CCDC171: variants seen among roughly 807,000 people sequenced by gnomAD.
CCDC171 encodes coiled-coil domain containing 171, also known as coiled-coil domain-containing protein 171.
CCDC171 carries 177 observed loss-of-function variants against 168.2 expected under a neutral mutation model. The ratio of observed to expected loss-of-function variants is 1.05; its 90% CI spans 0.93 to 1.19. CCDC171 has a LOEUF of 1.19. Among genes scored for constraint, CCDC171 ranks in the 50% most tolerant of loss-of-function variants. The probability of loss-of-function intolerance (pLI) is 0.00; values close to 1 mark genes in which losing one functional copy is unlikely to be tolerated. For synonymous variants in CCDC171, 687 were observed against 540.8 expected, an observed-to-expected ratio of 1.27 and a Z score of -3.75; for missense variants, 1,991 against 1,539.0, an observed-to-expected ratio of 1.29 and a Z score of -4.91.
chr9:15,746,998 A>G (rs1430669826), intron 18 of CCDC171, among the ~76,000 whole-genome samples: 2 of 152,210 alleles, frequency 1.3e-5, no homozygotes, highest in Non-Finnish European at 2.9e-5. Context: ...CAGCAAGCTA[A>G]AATCCATTGG....
rs190257800 is a variant in CCDC171 at position 15,575,393 on chromosome 9, T to G, written c.178-3456T>G. ...TTTGCCATGTTGTCCAGGCTGGTCT[T>G]GAACTTCTGGGCTCAAGTGATCCAC... On this transcript the variant is annotated intron_variant, in intron 3 of 25. Transcript: ENST00000380701. Among the ~76,000 whole-genome samples, 977 of 152,148 alleles carry G rather than the reference T, an allele frequency of 6.4e-3. 13 individuals carry two copies. The highest frequency in any genetic ancestry group is 0.01 in the Admixed American group (154 of 15,278).
At position 15,878,095 on chromosome 9, in the gene CCDC171, A is replaced by G. The variant is rs542076726; in HGVS notation, c.3600+3432A>G. Among the ~76,000 whole-genome samples the G allele has an allele frequency of 9.8e-5, 15 of 152,314 alleles. 1 individual carries two copies. In the South Asian group the frequency reaches 2.7e-3, roughly 27 times the overall value. ...GCAAAGATTTCATGATGAAGGTGCC[A>G]AAAGCAATTGCAACAAAGACAACAA... On this transcript the variant is annotated intron_variant, in intron 24 of 25. Transcript: ENST00000380701.
chr9:15,682,671 A>C (rs1488508659), intron 10 of CCDC171, among the ~76,000 whole-genome samples: 2 of 151,894 alleles, frequency 1.3e-5, no homozygotes, highest in Non-Finnish European at 2.9e-5. Context: ...ATGGTATATA[A>C]TTATTGTTTT....
At chr9:15,601,738 C>G (rs886171984) in intron 6 of CCDC171, among the ~76,000 whole-genome samples, 1 of 152,140 alleles carries the variant, frequency 6.6e-6, no homozygotes, top group Non-Finnish European at 1.5e-5. Context: ...TTTGCAGAGC[C>G]TACAGGATAT....
chr9:15,721,925 A>C lies in CCDC171; in HGVS notation c.1425+50A>C, dbSNP rs377586011. 3.3e-6 allele frequency: 3 copies of C among 897,718 alleles called. No individual in the cohort carries two copies. In the African/African-American group the frequency reaches 5.2e-5, roughly 15 times the overall value. 55.6% of individuals were successfully genotyped at this position (897,718 alleles called of 1,614,324 possible). On this transcript the variant is annotated intron_variant, in intron 12 of 25. Transcript: ENST00000380701. ...ACACATATAGCCTTCGGCCTGTACC[A>C]GTACGTATTCCTTGCTTGTTACAAA... is the stretch of plus-strand genomic sequence containing the variant.
intron 16 of CCDC171, among the ~76,000 whole-genome samples, chr9:15,741,006 A>T (rs1043627223): frequency 6.6e-6 from 1 of 152,160 alleles, no homozygotes; most frequent in African/African-American, 2.4e-5. Context: ...TTTCAGGCCA[A>T]ATTGATTCCT....
chr9:15,897,387 T>C lies in CCDC171; in HGVS notation c.3600+22724T>C, dbSNP rs189668583. ...AATCTAAGTCTTCTTCCAAATTATG[T>C]ATGTTTTTAGCATCAAAAGATGTTT... On this transcript the variant is annotated intron_variant, in intron 24 of 25. Coordinates refer to ENST00000380701, the MANE Select transcript of CCDC171 (RefSeq NM_173550.4). 7.9e-5 allele frequency among the ~76,000 whole-genome samples: 12 copies of C among 152,260 alleles called. No individual in the cohort carries two copies. In the East Asian group the frequency reaches 2.3e-3, roughly 29 times the overall value.
At chr9:16,054,189 G>A (rs186709853) in intron 1 of CCDC171, among the ~76,000 whole-genome samples, 2 of 152,328 alleles carry the variant, frequency 1.3e-5, no homozygotes, top group Non-Finnish European at 2.9e-5. Context: ...GCCAGAGGGA[G>A]CGAAGGGAGT....
At chr9:16,066,618 C>A (rs7860040), downstream of CCDC171, among the ~76,000 whole-genome samples, 7 of 123,414 alleles carry the variant, frequency 5.7e-5, no homozygotes, top group East Asian at 1.7e-3. Flanking sequence ...CCCCTCCCCC[C>A]ACCCCACAAC....
the CCDC171 span, among the ~76,000 whole-genome samples, chr9:16,102,180 G>C: frequency 2.6e-5 from 4 of 152,274 alleles, no homozygotes; most frequent in Admixed American, 1.3e-4. Context: ...TAACTCCTGT[G>C]AGCCTCCTCC....
chr9:15,589,754 T>C lies in CCDC171; in HGVS notation c.353-1612T>C, dbSNP rs1391133450. Reference sequence around the variant, plus strand: ...TGAAGGCAGAAATGAAAAATGTCCCTAGAAGCACTGGAAGATGAAGATGGA... The same window carrying C: ...TGAAGGCAGAAATGAAAAATGTCCCCAGAAGCACTGGAAGATGAAGATGGA... On this transcript the variant is annotated intron_variant, in intron 4 of 25. Transcript: ENST00000380701. 2.0e-5 allele frequency among the ~76,000 whole-genome samples: 3 copies of C among 152,220 alleles called. No homozygotes were observed. The South Asian group carries it at 6.2e-4, about 32-fold the overall frequency.
At position 15,729,813 on chromosome 9, in the gene CCDC171, C is replaced by T. The variant is rs1342183643; in HGVS notation, c.2049+15C>T. On this transcript the variant is annotated intron_variant, in intron 16 of 25. Coordinates refer to ENST00000380701, the MANE Select transcript of CCDC171 (RefSeq NM_173550.4). ...AGAGGGCACAGGTATGCTACCTTTA[C>T]AAAGAGCTTTAAAAAATGGGTTACT... 6.3e-7 allele frequency: 1 copy of T among 1,580,724 alleles called. No individual in the cohort carries two copies. The highest frequency in any genetic ancestry group is 8.6e-7 in the Non-Finnish European group (1 of 1,162,796).
At chr9:15,848,830 A>C (rs2061007957) in intron 22 of CCDC171, 63 bp from the exon 23 acceptor site, 2 of 868,076 alleles carry the variant, frequency 2.3e-6, no homozygotes, top group Non-Finnish European at 3.7e-6. Context: ...ACTTATACTA[A>C]AATGTGTAAC....
downstream of CCDC171, among the ~76,000 whole-genome samples, chr9:15,978,698 G>T (rs1448382396): frequency 1.3e-5 from 2 of 152,150 alleles, no homozygotes; most frequent in Non-Finnish European, 1.5e-5. Context: ...ACCTAGGTTA[G>T]AGCACATACA....
At chr9:15,985,644 G>GA (rs1457738178) in intron 3 of CCDC171, among the ~76,000 whole-genome samples, 1 of 152,174 alleles carries the variant, frequency 6.6e-6, no homozygotes, top group African/African-American at 2.4e-5. Context: ...TGGTATACTA[G>GA]AAAATACTGA....
chr9:15,884,602 A>G (rs1259204431), intron 24 of CCDC171, among the ~76,000 whole-genome samples: 1 of 152,110 alleles, frequency 6.6e-6, no homozygotes, highest in African/African-American at 2.4e-5. Context: ...GCAAGGTAGT[A>G]TTAGAAAAAG....
intron 7 of CCDC171, among the ~76,000 whole-genome samples, chr9:15,625,651 G>T (rs191519356): frequency 6.6e-6 from 1 of 151,950 alleles, no homozygotes; most frequent in Non-Finnish European, 1.5e-5. Flanking sequence ...ATTTCTGAGG[G>T]CTCTGTTCTG....
intron 1 of CCDC171, among the ~76,000 whole-genome samples, chr9:16,046,601 G>A (rs1412585424): frequency 6.6e-6 from 1 of 152,096 alleles, no homozygotes; most frequent in Non-Finnish European, 1.5e-5. Flanking sequence ...GTTATGGGAG[G>A]GACCGGGTGG....
chr9:15,935,581 G>T (rs1336482625), intron 25 of CCDC171, among the ~76,000 whole-genome samples: 1 of 151,912 alleles, frequency 6.6e-6, no homozygotes, highest in African/African-American at 2.4e-5. Flanking sequence ...GGTTATATTA[G>T]CATATAATAT....
Sources: gnomAD v4.1 joint callset for allele counts (sites outside exome capture counted in the v4.1 genomes callset) on GRCh38, gnomAD v4.1.1 for gene constraint, MANE v1.5 for transcripts, NCBI Gene and HGNC (gene_info 2026-07-23, HGNC 2026-07-21) for gene names.